Variants in SNAPC3 observed in about 807,000 individuals in gnomAD.
SNAPC3 encodes small nuclear RNA activating complex polypeptide 3, also known as snRNA-activating protein complex subunit 3.
Under a neutral mutation model 47.7 loss-of-function variants are expected in SNAPC3, and 56 were observed. That is an observed-to-expected ratio of 1.18 (90% confidence interval 0.95 to 1.47). SNAPC3 has a LOEUF of 1.47. Ranked by LOEUF, SNAPC3 falls within the 40% of genes most tolerant of loss-of-function variation. SNAPC3 has a pLI of 0.00. For missense variants in SNAPC3, 665 were observed against 511.3 expected (o/e 1.30, Z -2.90); for synonymous variants, 235 against 189.9 (o/e 1.24, Z -1.95).
At chr9:15,444,226 C>CT (rs1401928052) in intron 3 of SNAPC3, among the ~76,000 whole-genome samples, 1 of 152,180 alleles carries the variant, frequency 6.6e-6, no homozygotes, top group Non-Finnish European at 1.5e-5. Flanking sequence ...AACCTCTGAG[C>CT]TTTATCTGTA....
At chr9:15,426,309 C>T (rs2031390452) in intron 2 of SNAPC3, among the ~76,000 whole-genome samples, 1 of 152,164 alleles carries the variant, frequency 6.6e-6, no homozygotes, top group African/African-American at 2.4e-5. Flanking sequence ...ACTCATCCTG[C>T]AAGTCTTAGC....
At chr9:15,434,086 A>T (rs1214759273) in intron 3 of SNAPC3, among the ~76,000 whole-genome samples, 1 of 152,198 alleles carries the variant, frequency 6.6e-6, no homozygotes, top group Admixed American at 6.5e-5. Flanking sequence ...CTGGCACTTG[A>T]TCATGCATAC....
At chr9:15,463,766 G>C (rs2035408976), downstream of SNAPC3, 1 of 152,114 alleles carries the variant, frequency 6.6e-6, no homozygotes, top group African/African-American at 2.4e-5. Flanking sequence ...GTTAGAGCAA[G>C]GTCAGCCTGT....
At chr9:15,429,749 T>C (rs1156347913) in intron 2 of SNAPC3, among the ~76,000 whole-genome samples, 1 of 152,130 alleles carries the variant, frequency 6.6e-6, no homozygotes, top group African/African-American at 2.4e-5. Context: ...TTAGAAAATA[T>C]TGTGATAGAG....
chr9:15,428,048 T>C (rs1281787670), intron 2 of SNAPC3, among the ~76,000 whole-genome samples: 1 of 141,880 alleles, frequency 7.0e-6, no homozygotes, highest in African/African-American at 2.7e-5. Context: ...GAGGTGGAGG[T>C]TGCAGTGAGC....
rs763949696 is a variant in SNAPC3 at position 15,447,128 on chromosome 9, G to T, written c.616G>T (p.Val206Leu). Residue 206 changes from valine (V) to leucine (L), a missense_variant, in exon 5 of 9, where the codon GTG becomes TTG. Val to Leu is a conservative substitution (Grantham distance 32, BLOSUM62 1). Transcript: ENST00000380821. ...KEHKPYQTML[V>L]LGSQKLTQLR... ...ACACAAACCATACCAAACAATGCTGGTGTTGGGCAGTCAAAAACTCACACA... is the reference window on the plus strand; with the variant it reads ...ACACAAACCATACCAAACAATGCTGTTGTTGGGCAGTCAAAAACTCACACA... 1.2e-6 allele frequency: 2 copies of T among 1,613,996 alleles called. No homozygotes were observed. The highest frequency in any genetic ancestry group is 1.7e-6 in the Non-Finnish European group (2 of 1,179,898).
In SNAPC3 at chr9:15,460,974, A is replaced by G. The variant is rs918119602; in HGVS notation, c.*1108A>G. The stretch of plus-strand genomic sequence containing the variant: ...GGGGACATGGAAAAATCAAGATCCT[A>G]TTGATTGCTAGCTCTGGCTCACTTA... On this transcript the variant is annotated 3_prime_UTR_variant, in exon 9 of 9. Coordinates refer to ENST00000380821, the MANE Select transcript of SNAPC3 (RefSeq NM_001039697.2). 1.4e-4 allele frequency: 22 copies of G among 152,102 alleles called. No homozygotes were observed. The highest frequency in any genetic ancestry group is 4.3e-4 in the African/African-American group (18 of 41,422). The allele number at this position is 152,102 out of a possible 1,614,324, so 9.4% of individuals were successfully genotyped here.
chr9:15,459,699 T>A lies in SNAPC3; in HGVS notation c.1089-20T>A, dbSNP rs771135504. The A allele has an allele frequency of 3.1e-6, 5 of 1,608,650 alleles. No individual in the cohort carries two copies. The highest frequency in any genetic ancestry group is 3.4e-6 in the Non-Finnish European group (4 of 1,176,912). ...GCAAATTTGATTGTAATGATGTACT[T>A]CTTTTTTTAAAAACTACAGATGGGT... On this transcript the variant is annotated intron_variant, in intron 8 of 8. Coordinates refer to ENST00000380821, the MANE Select transcript of SNAPC3 (RefSeq NM_001039697.2).
At chr9:15,447,797 G>A (rs1297728765) in intron 5 of SNAPC3, among the ~76,000 whole-genome samples, 4 of 152,186 alleles carry the variant, frequency 2.6e-5, no homozygotes, top group Non-Finnish European at 4.4e-5. Context: ...TTCACCTTTC[G>A]CTGCCCAAGG....
intron 6 of SNAPC3, among the ~76,000 whole-genome samples, chr9:15,452,578 G>A (rs1224211036): frequency 3.3e-5 from 5 of 150,886 alleles, no homozygotes; most frequent in African/African-American, 4.9e-5. Flanking sequence ...TCGGCCTCCC[G>A]AAGTGCTGGG....
downstream of SNAPC3, chr9:15,462,341 G>C (rs189595179): frequency 2.0e-5 from 3 of 152,198 alleles, no homozygotes; most frequent in East Asian, 1.9e-4. Flanking sequence ...AATCAACCAG[G>C]TTACTCCCAC....
At chr9:15,462,168 A>G (rs2035267831), downstream of SNAPC3, 1 of 152,226 alleles carries the variant, frequency 6.6e-6, no homozygotes, top group Non-Finnish European at 1.5e-5. Flanking sequence ...GTGTCAATAC[A>G]TTTTAGCGGA....
At chr9:15,440,969 T>TGGTC (rs1452600408) in intron 3 of SNAPC3, among the ~76,000 whole-genome samples, 3 of 146,452 alleles carry the variant, frequency 2.0e-5, no homozygotes, top group East Asian at 3.9e-4. Context: ...AAAAAAAAAT[T>TGGTC]GGTCAGTCAG....
At chr9:15,456,080 G>A (rs2034769278) in intron 7 of SNAPC3, among the ~76,000 whole-genome samples, 1 of 152,096 alleles carries the variant, frequency 6.6e-6, no homozygotes, top group Non-Finnish European at 1.5e-5. Context: ...CACCATGTTG[G>A]TCAGGCTGGT....
Position 15,461,498 on chromosome 9 carries a change from G to C in SNAPC3, c.*1632G>C, listed in dbSNP as rs1347233951. 2 of 152,148 alleles carry C rather than the reference G, an allele frequency of 1.3e-5. No homozygotes were observed. The highest frequency in any genetic ancestry group is 1.9e-4 in the East Asian group (1 of 5,204). 9.4% of individuals were successfully genotyped at this position (152,148 alleles called of 1,614,324 possible). A position where few individuals can be genotyped will look rare whatever the true frequency, so the allele number is the denominator to read the frequency against. ...CTTTATTTTCAGGTCTAGACCATCA[G>C]ATAGATTTATTCAAATATTTTCTGG... is the stretch of plus-strand genomic sequence containing the variant. On this transcript the variant is annotated 3_prime_UTR_variant, in exon 9 of 9. Coordinates refer to ENST00000380821, the MANE Select transcript of SNAPC3 (RefSeq NM_001039697.2).
At chr9:15,458,092 T>TTTCTC in intron 8 of SNAPC3, 25 bp downstream of exon 8, 1 of 1,335,740 alleles carries the variant, frequency 7.5e-7, no homozygotes, top group Non-Finnish European at 1.0e-6. Context: ...ATTTTTTTTT[T>TTTCTC]TCTCTGAGAA....
intron 5 of SNAPC3, among the ~76,000 whole-genome samples, chr9:15,447,584 C>T (rs139587417): frequency 0.011 from 1,669 of 151,758 alleles, 29 homozygotes; most frequent in African/African-American, 0.037. Context: ...AGTGCAGTGT[C>T]GCCATCTCAG....
downstream of SNAPC3, chr9:15,462,818 C>G (rs1408917523): frequency 6.6e-6 from 1 of 152,150 alleles, no homozygotes; most frequent in Non-Finnish European, 1.5e-5. Context: ...AAACCAGTTT[C>G]TTTGTTTCTA....
At chr9:15,440,594 G>T (rs1468203071) in intron 3 of SNAPC3, among the ~76,000 whole-genome samples, 1 of 152,158 alleles carries the variant, frequency 6.6e-6, no homozygotes, top group Non-Finnish European at 1.5e-5. Context: ...AGAAGGTTGA[G>T]GCAGAAGGAG....
Sources: gnomAD v4.1 joint callset for allele counts (sites outside exome capture counted in the v4.1 genomes callset) on GRCh38, gnomAD v4.1.1 for gene constraint, MANE v1.5 for transcripts, NCBI Gene and HGNC (gene_info 2026-07-23, HGNC 2026-07-21) for gene names.